The following SHISA5 variants were observed in gnomAD, a reference collection of about 807,000 sequenced individuals.
SHISA5 encodes shisa family member 5.
A neutral mutation model predicts 27.5 loss-of-function variants in SHISA5; 21 were observed. That is an observed-to-expected ratio of 0.76 (90% CI 0.54 to 1.10). The LOEUF (loss-of-function observed/expected upper bound fraction) is 1.10, where lower values mean the gene tolerates loss of function less well. Among genes scored for constraint, SHISA5 ranks in the 50% least tolerant of loss-of-function variants. The pLI is 0.00. For missense variants in SHISA5, 314 were observed against 336.3 expected (o/e 0.93, Z 0.52); for synonymous variants, 137 against 142.2 (o/e 0.96, Z 0.26).
intron 1 of SHISA5, chr3:48,503,049 G>A (rs2041801902): frequency 8.2e-7 from 1 of 1,224,388 alleles, no homozygotes; most frequent in African/African-American, 1.5e-5. Context: ...AAGCCATGGA[G>A]CAGAGGATTG....
In SHISA5 at chr3:48,469,573, G is replaced by A. The variant is rs144740843; in HGVS notation, c.431C>T (p.Pro144Leu). Residue 144 changes from proline (P) to leucine (L), a missense_variant and splice_region_variant, in exon 5 of 6, where the codon CCG (proline) becomes CTG (leucine). Pro to Leu is a moderately conservative substitution (Grantham distance 98). Transcript: ENST00000296444. The surrounding 1 kb of genome is among the most constrained non-coding windows in gnomAD (Gnocchi z 4.6). ...CLYKTCRRPR[P>L]VVTTTTSTTV... ...GGTGGATGTGGTGGTGGTGACAACC[G>A]CTGCAAAGAGAATTCCAGTCAGGAC... The A allele has an allele frequency of 2.7e-5, 44 of 1,602,954 alleles. No homozygotes were observed. In the Admixed American group the frequency reaches 4.9e-4, roughly 18 times the overall value.
At chr3:48,486,976 C>T (rs1173353185) in intron 2 of SHISA5, among the ~76,000 whole-genome samples, 3 of 151,122 alleles carry the variant, frequency 2.0e-5, no homozygotes, top group East Asian at 1.9e-4. Flanking sequence ...CCAGGTGTGG[C>T]GGCTCATGCC....
At chr3:48,485,303 CT>C (rs1313288902) in intron 2 of SHISA5, among the ~76,000 whole-genome samples, 1 of 151,922 alleles carries the variant, frequency 6.6e-6, no homozygotes, top group African/African-American at 2.4e-5. Context: ...CAAGACCAGC[CT>C]GACCAACATG....
intron 2 of SHISA5, among the ~76,000 whole-genome samples, chr3:48,481,129 A>C (rs2040995880): frequency 6.6e-6 from 1 of 151,958 alleles, no homozygotes; most frequent in Admixed American, 6.6e-5. Flanking sequence ...TAAATAAATA[A>C]ATAAATAAGA....
At chr3:48,484,287 G>A (rs2041125914) in intron 2 of SHISA5, among the ~76,000 whole-genome samples, 1 of 152,092 alleles carries the variant, frequency 6.6e-6, no homozygotes, top group African/African-American at 2.4e-5. Context: ...TAAAGCTGAG[G>A]AGAAAATATT....
At chr3:48,500,052 TTTCC>T (rs1306544227) in intron 2 of SHISA5, among the ~76,000 whole-genome samples, 1 of 151,494 alleles carries the variant, frequency 6.6e-6, no homozygotes, top group Non-Finnish European at 1.5e-5. Context: ...ACCAGATGTG[TTTCC>T]AAGAGAATTC....
intron 2 of SHISA5, among the ~76,000 whole-genome samples, chr3:48,482,396 C>A (rs1434353209): frequency 6.6e-6 from 1 of 151,952 alleles, no homozygotes; most frequent in African/African-American, 2.4e-5. Flanking sequence ...CAGACTGAGA[C>A]CCTGTCTCGA....
At chr3:48,480,337 A>G (rs1407096874) in intron 2 of SHISA5, among the ~76,000 whole-genome samples, 1 of 152,192 alleles carries the variant, frequency 6.6e-6, no homozygotes, top group African/African-American at 2.4e-5. Flanking sequence ...ATTGTGTTAA[A>G]TAAGAACTCA....
intron 2 of SHISA5, among the ~76,000 whole-genome samples, chr3:48,486,496 AT>A (rs1396733921): frequency 3.6e-5 from 4 of 112,668 alleles, no homozygotes; most frequent in African/African-American, 1.4e-4. Context: ...TATTATATAT[AT>A]TTATAATTAT....
chr3:48,501,860 CTTTTTTTT>C (rs35527637), intron 1 of SHISA5, among the ~76,000 whole-genome samples: 1 of 133,082 alleles, frequency 7.5e-6, no homozygotes, highest in South Asian at 2.3e-4. Flanking sequence ...CCCTTTCTTT[CTTTTTTTT>C]TTTTTTTTTT....
At chr3:48,490,616 T>C (rs1452980648) in intron 2 of SHISA5, among the ~76,000 whole-genome samples, 1 of 152,172 alleles carries the variant, frequency 6.6e-6, no homozygotes, top group Non-Finnish European at 1.5e-5. Context: ...CTACAAATCA[T>C]AAATTCTCAT....
At chr3:48,494,974 A>G (rs1190209022) in intron 2 of SHISA5, among the ~76,000 whole-genome samples, 1 of 145,286 alleles carries the variant, frequency 6.9e-6, no homozygotes, top group South Asian at 2.1e-4. Flanking sequence ...TTATATATCT[A>G]TTTTTTTTTC....
Position 48,470,701 on chromosome 3 carries a change from C to T in SHISA5, c.315-858G>A, listed in dbSNP as rs1485356264. 1.3e-5 allele frequency among the ~76,000 whole-genome samples: 2 copies of T among 152,134 alleles called. No individual in the cohort carries two copies. The highest frequency in any genetic ancestry group is 2.9e-5 in the Non-Finnish European group (2 of 68,016). On this transcript the variant is annotated intron_variant, in intron 3 of 5. Transcript: ENST00000296444. This position sits in a 1 kb window ranked among gnomAD's most constrained non-coding sequence, Gnocchi z 4.3. Reference sequence around the variant, plus strand: ...CAGCACTTTGGGAGGCCGAGGAGGGCGGATCACCTGAGGTGAGGTGTTCGA... The same window carrying T: ...CAGCACTTTGGGAGGCCGAGGAGGGTGGATCACCTGAGGTGAGGTGTTCGA...
At chr3:48,487,252 G>A (rs1389674817) in intron 2 of SHISA5, among the ~76,000 whole-genome samples, 1 of 151,908 alleles carries the variant, frequency 6.6e-6, no homozygotes, top group Non-Finnish European at 1.5e-5. Flanking sequence ...TTAAAATATG[G>A]TCTTCCAATT....
intron 3 of SHISA5, among the ~76,000 whole-genome samples, chr3:48,476,479 G>A (rs528087252): frequency 1.3e-4 from 20 of 152,304 alleles, no homozygotes; most frequent in Admixed American, 2.0e-4. Context: ...TCTTTCCCCT[G>A]CCTGGCTTCT....
chr3:48,477,101 T>C, intron 3 of SHISA5: 1 of 417,550 alleles, frequency 2.4e-6, no homozygotes, highest in East Asian at 7.4e-5. Flanking sequence ...TCTATAACAT[T>C]GAGAAAAAAA....
At chr3:48,497,435 G>C (rs1440030030) in intron 2 of SHISA5, among the ~76,000 whole-genome samples, 2 of 149,862 alleles carry the variant, frequency 1.3e-5, no homozygotes, top group African/African-American at 4.9e-5. Flanking sequence ...GCTAATTTTT[G>C]TATTTTTAGT....
intron 2 of SHISA5, among the ~76,000 whole-genome samples, chr3:48,495,419 G>A (rs1282415247): frequency 7.0e-6 from 1 of 142,204 alleles, no homozygotes; most frequent in Non-Finnish European, 1.5e-5. Flanking sequence ...TTGATTGCTT[G>A]TTCAGTGGGT....
At position 48,473,097 on chromosome 3, in the gene SHISA5, C is replaced by T; in HGVS notation, c.315-3254G>A. ...ATCGTGGGCCACTCAGTTTCAATTT[C>T]CTCCCCTTTTGGAGAAAAAGAAAGC... On this transcript the variant is annotated intron_variant, in intron 3 of 5. Transcript: ENST00000296444. This position sits in a 1 kb window ranked among gnomAD's most constrained non-coding sequence, Gnocchi z 4.3. The T allele has an allele frequency of 6.7e-7, 1 of 1,493,086 alleles. No individual in the cohort carries two copies. Among genetic ancestry groups the T allele is most frequent in the Non-Finnish European group, 8.9e-7 (1 of 1,128,186 alleles). The allele number at this position is 1,493,086 out of a possible 1,614,324, so 92.5% of individuals were successfully genotyped here. A position where few individuals can be genotyped will look rare whatever the true frequency, so the allele number is the denominator to read the frequency against.
Sources: gnomAD v4.1 joint callset for allele counts (sites outside exome capture counted in the v4.1 genomes callset) on GRCh38, gnomAD v4.1.1 for gene constraint, Gnocchi (gnomAD v3.1) non-coding constraint, MANE v1.5 for transcripts, NCBI Gene and HGNC (gene_info 2026-07-23, HGNC 2026-07-21) for gene names.